The following SERPINA5 variants were observed in gnomAD, a reference collection of about 807,000 sequenced individuals.
SERPINA5 encodes serpin family A member 5.
A neutral mutation model predicts 25.3 loss-of-function variants in SERPINA5; 25 were observed. The ratio of observed to expected loss-of-function variants is 0.99; its 90% CI spans 0.72 to 1.38. The LOEUF (loss-of-function observed/expected upper bound fraction) is 1.38, where lower values mean the gene tolerates loss of function less well. SERPINA5 is among the 40% of genes most tolerant of loss of function. The pLI is 0.00. For missense variants in SERPINA5, 599 were observed against 509.5 expected (o/e 1.18, Z -1.69); for synonymous variants, 234 against 206.2 (o/e 1.14, Z -1.16).
At position 94,587,938 on chromosome 14, in the gene SERPINA5, T is replaced by G; in HGVS notation, c.576T>G (p.Asp192Glu). The G allele has an allele frequency of 6.2e-7, 1 of 1,614,244 alleles. No individual in the cohort carries two copies. Among genetic ancestry groups the G allele is most frequent in the South Asian group, 1.1e-5 (1 of 91,086 alleles). Residue 192 changes from aspartate (D) to glutamate (E), a missense_variant, in exon 3 of 6, where the codon GAT becomes GAG. By Grantham distance (45) the Asp-to-Glu change is conservative. Transcript: ENST00000329597. ...GKIVDLLKNLDSNAVVIMVNY... is the reference protein window; with the variant it reads ...GKIVDLLKNLESNAVVIMVNY... Reference sequence around the variant, plus strand: ...TTGTGGACTTGCTTAAGAACCTCGATAGCAATGCGGTCGTGATCATGGTGA... The same window carrying G: ...TTGTGGACTTGCTTAAGAACCTCGAGAGCAATGCGGTCGTGATCATGGTGA...
chr14:94,592,455 A>G lies in SERPINA5; in HGVS notation c.*216A>G, dbSNP rs1885338521. The G allele has an allele frequency of 1.9e-6, 1 of 519,746 alleles. No individual in the cohort carries two copies. The highest frequency in any genetic ancestry group is 3.2e-5 in the East Asian group (1 of 31,022). 32.2% of individuals were successfully genotyped at this position (519,746 alleles called of 1,614,324 possible). On this transcript the variant is annotated 3_prime_UTR_variant, in exon 6 of 6. Coordinates refer to ENST00000329597, the MANE Select transcript of SERPINA5 (RefSeq NM_000624.6). ...GTGGAGAACATTCAATCTTGCCGTC[A>G]CTATTCATCAATGAAGATTAACACT... is the stretch of plus-strand genomic sequence containing the variant.
At chr14:94,588,080 A>G in intron 3 of SERPINA5, 99 bp downstream of exon 3, 1 of 1,470,890 alleles carries the variant, frequency 6.8e-7, no homozygotes, top group Non-Finnish European at 9.2e-7. Flanking sequence ...GACGGGGAGT[A>G]CGTTAAGTTC....
intron 2 of SERPINA5, among the ~76,000 whole-genome samples, chr14:94,586,130 C>A (rs1353302727): frequency 6.6e-6 from 1 of 152,086 alleles, no homozygotes; most frequent in African/African-American, 2.4e-5. Context: ...ACAGGAACGG[C>A]TCTTGGGTGA....
intron 5 of SERPINA5, among the ~76,000 whole-genome samples, chr14:94,591,549 G>GTTCTATTGTATTCTA (rs1555384914): frequency 1.8e-5 from 2 of 108,222 alleles, no homozygotes; most frequent in East Asian, 5.8e-4. Context: ...ATTCTGTTCT[G>GTTCTATTGTATTCTA]TTCTATTCTA....
In SERPINA5 at chr14:94,592,140, G is replaced by T. The variant is rs6117; in HGVS notation, c.1122G>T (p.Ser374=). The T allele has an allele frequency of 6.2e-7, 1 of 1,614,062 alleles. No homozygotes were observed. Among genetic ancestry groups the T allele is most frequent in the East Asian group, 2.2e-5 (1 of 44,866 alleles). Residue 374 remains serine, a synonymous_variant, in exon 6 of 6, where the codon TCG becomes TCT. Coordinates refer to ENST00000329597, the MANE Select transcript of SERPINA5 (RefSeq NM_000624.6). ...AATGTIFTFR[S]ARLNSQRLVF... The stretch of plus-strand genomic sequence containing the variant: ...CGGGGACAATATTCACTTTCAGGTC[G>T]GCCCGCCTGAACTCTCAGAGGCTAG...
At chr14:94,584,562 T>C (rs1595076558) in intron 2 of SERPINA5, among the ~76,000 whole-genome samples, 1 of 151,274 alleles carries the variant, frequency 6.6e-6, no homozygotes. Context: ...GGGGGCGGGG[T>C]CTTGAGGGGG....
Position 94,590,812 on chromosome 14 carries a change from C to T in SERPINA5, c.954C>T (p.Leu318=), listed in dbSNP as rs1444318726. The T allele has an allele frequency of 5.6e-6, 9 of 1,614,058 alleles. No individual in the cohort carries two copies. Among genetic ancestry groups the T allele is most frequent in the Non-Finnish European group, 7.6e-6 (9 of 1,179,978 alleles). ...IEGSYQLEKV[L]PSLGISNVFT... ...GCTCCTATCAGCTGGAGAAAGTCCT[C>T]CCCAGTCTGGGGATCAGTAACGTCT... is the stretch of plus-strand genomic sequence containing the variant. Residue 318 remains leucine, a synonymous_variant, in exon 5 of 6, where the codon CTC becomes CTT. Transcript: ENST00000329597.
chr14:94,586,170 C>T (rs527634884), intron 2 of SERPINA5, among the ~76,000 whole-genome samples: 64 of 152,192 alleles, frequency 4.2e-4, no homozygotes, highest in South Asian at 1.7e-3. Flanking sequence ...GGACTGAAGG[C>T]CAAGGCCACG....
At chr14:94,588,508 G>C (rs1429507947) in intron 3 of SERPINA5, among the ~76,000 whole-genome samples, 1 of 152,110 alleles carries the variant, frequency 6.6e-6, no homozygotes, top group Non-Finnish European at 1.5e-5. Context: ...GACACTCCTT[G>C]TAAGCATTCC....
chr14:94,590,719 A>T lies in SERPINA5; in HGVS notation c.891-30A>T, dbSNP rs367552231. On this transcript the variant is annotated intron_variant, in intron 4 of 5. Transcript: ENST00000329597. ...GCTCAGTGTGCCAATGCCCCAGAACAGTCTAAGAAAGCTCCTTTTCCCTTT... is the reference window on the plus strand; with the variant it reads ...GCTCAGTGTGCCAATGCCCCAGAACTGTCTAAGAAAGCTCCTTTTCCCTTT... 346 of 1,606,190 alleles carry T rather than the reference A, an allele frequency of 2.2e-4. 1 individual carries two copies. Among genetic ancestry groups the T allele is most frequent in the Non-Finnish European group, 2.8e-4 (329 of 1,175,340 alleles).
chr14:94,591,756 A>G (rs551585596), intron 5 of SERPINA5, among the ~76,000 whole-genome samples: 3 of 152,184 alleles, frequency 2.0e-5, no homozygotes, highest in Non-Finnish European at 2.9e-5. Flanking sequence ...GGCACTTCCT[A>G]GCTATGTGAT....
At position 94,590,168 on chromosome 14, in the gene SERPINA5, C is replaced by T; in HGVS notation, c.747C>T (p.Asn249=). Residue 249 remains asparagine (N), a synonymous_variant, in exon 4 of 6, where the codon AAC becomes AAT. Coordinates refer to ENST00000329597, the MANE Select transcript of SERPINA5 (RefSeq NM_000624.6). ...AGTATCACTACCTCCTGGACCGGAA[C>T]CTCTCCTGCAGGGTGGTGGGGGTCC... ...EDQYHYLLDR[N]LSCRVVGVPY... 1.2e-6 allele frequency: 2 copies of T among 1,614,172 alleles called. No homozygotes were observed. The highest frequency in any genetic ancestry group is 1.7e-6 in the Non-Finnish European group (2 of 1,180,030).
At chr14:94,589,883 C>T (rs139016166) in intron 3 of SERPINA5, among the ~76,000 whole-genome samples, 158 bp from the exon 4 acceptor site, 57 of 152,242 alleles carry the variant, frequency 3.7e-4, no homozygotes, top group African/African-American at 1.2e-3. Flanking sequence ...AAGAGACTTG[C>T]CTTCATATTC....
At chr14:94,591,035 AATTCC>A in intron 5 of SERPINA5, 139 bp downstream of exon 5, 1 of 664,850 alleles carries the variant, frequency 1.5e-6, no homozygotes, top group Non-Finnish European at 2.3e-6. Context: ...CACTCTATTC[AATTCC>A]ACTCCACTCC....
intron 3 of SERPINA5, among the ~76,000 whole-genome samples, chr14:94,589,773 G>A (rs1383984431): frequency 6.6e-6 from 1 of 152,174 alleles, no homozygotes; most frequent in African/African-American, 2.4e-5. Flanking sequence ...GAGAACATCA[G>A]GGGTCCAGGG....
chr14:94,587,007 C>G (rs772015968), intron 2 of SERPINA5: 8 of 206,902 alleles, frequency 3.9e-5, no homozygotes, highest in African/African-American at 9.3e-5. Context: ...GCTGATGAGA[C>G]AGAGCAGAGC....
chr14:94,588,907 C>A (rs1473267213), intron 3 of SERPINA5, among the ~76,000 whole-genome samples: 1 of 152,076 alleles, frequency 6.6e-6, no homozygotes, highest in African/African-American at 2.4e-5. Flanking sequence ...GACAGCTCCA[C>A]CCCCATGACC....
Position 94,592,413 on chromosome 14 carries a change from AG to A in SERPINA5, c.*176del. Reference sequence around the variant, plus strand: ...TTCCACCCACACGACTGCAACATACAGGTGCCTTGGGGAAATGTGGAGAACA... The same window carrying A: ...TTCCACCCACACGACTGCAACATACAGTGCCTTGGGGAAATGTGGAGAACA... On this transcript the variant is annotated 3_prime_UTR_variant, in exon 6 of 6. Transcript: ENST00000329597. 1 of 628,826 alleles carries A rather than the reference AG, an allele frequency of 1.6e-6. No homozygotes were observed. Among genetic ancestry groups the A allele is most frequent in the African/African-American group, 1.8e-5 (1 of 54,750 alleles). 39.0% of individuals were successfully genotyped at this position (628,826 alleles called of 1,614,324 possible).
In SERPINA5 at chr14:94,590,466, G is replaced by A. The variant is rs749847659; in HGVS notation, c.890+155G>A. On this transcript the variant is annotated intron_variant, in intron 4 of 5. Coordinates refer to ENST00000329597, the MANE Select transcript of SERPINA5 (RefSeq NM_000624.6). ...GCATCCTGTGACATCCAAGTCCTGGGGGCCTAGCCCAGTTGGAGGGACAAG... is the reference window on the plus strand; with the variant it reads ...GCATCCTGTGACATCCAAGTCCTGGAGGCCTAGCCCAGTTGGAGGGACAAG... The A allele has an allele frequency of 5.9e-6, 6 of 1,022,364 alleles. No homozygotes were observed. The South Asian group carries it at 9.5e-5, about 16-fold the overall frequency. The allele number at this position is 1,022,364 out of a possible 1,614,324, so 63.3% of individuals were successfully genotyped here. A position where few individuals can be genotyped will look rare whatever the true frequency, so the allele number is the denominator to read the frequency against.
Sources: allele counts gnomAD v4.1 joint callset (sites outside exome capture counted in the v4.1 genomes callset), GRCh38; gene constraint gnomAD v4.1.1; transcripts MANE v1.5; gene names NCBI Gene and HGNC (gene_info 2026-07-23, HGNC 2026-07-21).